Variants in TCF12 observed in about 807,000 individuals in gnomAD.
The protein encoded by TCF12 is DNA-binding protein HTF4.
A neutral mutation model predicts 86.0 loss-of-function variants in TCF12; 45 were observed. The observed-to-expected ratio is 0.52, with a 90% confidence interval of 0.41 to 0.67. The LOEUF is 0.67. Among genes scored for constraint, TCF12 ranks in the 30% least tolerant of loss-of-function variants. The pLI is 0.00. For missense variants in TCF12, 881 were observed against 859.9 expected, an observed-to-expected ratio of 1.02 and a Z score of -0.31; for synonymous variants, 330 against 299.6, an observed-to-expected ratio of 1.10 and a Z score of -1.05.
At chr15:57,101,671 A>G (rs1222493850) in intron 5 of TCF12, among the ~76,000 whole-genome samples, 2 of 152,208 alleles carry the variant, frequency 1.3e-5, no homozygotes, top group Non-Finnish European at 1.5e-5. Context: ...TTATCTTGAA[A>G]AATGTTTCTT....
intron 3 of TCF12, among the ~76,000 whole-genome samples, chr15:57,044,319 T>G (rs1183736813): frequency 6.6e-6 from 1 of 152,136 alleles, no homozygotes; most frequent in East Asian, 1.9e-4. Context: ...CCCAGCACTT[T>G]GGGAGGCCGA....
At chr15:57,136,553 A>G (rs1269814217) in intron 5 of TCF12, among the ~76,000 whole-genome samples, 1 of 152,204 alleles carries the variant, frequency 6.6e-6, no homozygotes, top group African/African-American at 2.4e-5. Context: ...TTTCTAGTGT[A>G]TTATCTCACA....
chr15:57,178,585 G>A (rs1386663890), intron 6 of TCF12, among the ~76,000 whole-genome samples: 1 of 152,180 alleles, frequency 6.6e-6, no homozygotes, highest in African/African-American at 2.4e-5. Context: ...TTCATCTCCT[G>A]TTCTTCTAAT....
At chr15:57,112,822 G>C (rs1299973782) in intron 5 of TCF12, among the ~76,000 whole-genome samples, 2 of 152,038 alleles carry the variant, frequency 1.3e-5, no homozygotes, top group East Asian at 1.9e-4. Context: ...ATAAGCTTAT[G>C]ATGAGTATAA....
chr15:57,284,505 C>T (rs568031630), intron 20 of TCF12, among the ~76,000 whole-genome samples: 6 of 152,258 alleles, frequency 3.9e-5, no homozygotes, highest in Admixed American at 2.0e-4. Context: ...CCGCTGAGCC[C>T]GGCCAAAAAA....
chr15:57,222,315 A>T (rs1236127876), intron 8 of TCF12, among the ~76,000 whole-genome samples: 1 of 151,608 alleles, frequency 6.6e-6, no homozygotes, highest in Non-Finnish European at 1.5e-5. Flanking sequence ...CTAGGAAGAG[A>T]CCAAAGAACT....
chr15:56,999,504 G>T (rs1454815898), intron 3 of TCF12, among the ~76,000 whole-genome samples: 1 of 152,110 alleles, frequency 6.6e-6, no homozygotes, highest in Non-Finnish European at 1.5e-5. Flanking sequence ...AGGTGAAATA[G>T]ACTAATTCCT....
chr15:57,225,499 C>T (rs2058834744), intron 8 of TCF12, among the ~76,000 whole-genome samples: 1 of 152,102 alleles, frequency 6.6e-6, no homozygotes, highest in Admixed American at 6.5e-5. Flanking sequence ...CCCGCCTCGG[C>T]CTCCCAAAGT....
chr15:56,924,954 T>G (rs2059938698), intron 3 of TCF12, among the ~76,000 whole-genome samples: 2 of 152,132 alleles, frequency 1.3e-5, no homozygotes, highest in South Asian at 4.1e-4. Context: ...ATCCCAGCAC[T>G]TTGGGAGGCC....
At chr15:57,017,915 G>A (rs988625344) in intron 3 of TCF12, among the ~76,000 whole-genome samples, 9 of 152,124 alleles carry the variant, frequency 5.9e-5, no homozygotes, top group African/African-American at 1.7e-4. Context: ...ATCTGGGAAA[G>A]AAGGCAAGGG....
At chr15:57,228,762 G>A (rs2059000344) in intron 8 of TCF12, among the ~76,000 whole-genome samples, 1 of 121,456 alleles carries the variant, frequency 8.2e-6, no homozygotes, top group African/African-American at 2.5e-5. Flanking sequence ...ATATTAGTGT[G>A]TGAAATACAG....
At chr15:56,961,957 C>T (rs889102447) in intron 3 of TCF12, among the ~76,000 whole-genome samples, 2 of 151,412 alleles carry the variant, frequency 1.3e-5, no homozygotes, top group Non-Finnish European at 2.9e-5. Context: ...GGTGAAACCC[C>T]GTCTCTACTA....
At position 57,075,800 on chromosome 15, in the gene TCF12, TTCTTTCTC is replaced by T. The variant is rs1240634090; in HGVS notation, c.222+11981_222+11988del. Among the ~76,000 whole-genome samples, 21 of 20,478 alleles carry T rather than the reference TTCTTTCTC, an allele frequency of 1.0e-3. 1 individual carries two copies. Among genetic ancestry groups the T allele is most frequent in the Middle Eastern group, 0.045 (2 of 44 alleles). The allele number at this position is 20,478 out of a possible 152,430, so 13.4% of individuals were successfully genotyped here. The stretch of plus-strand genomic sequence containing the variant: ...TTTCTTTCTTTCTTTCTTTCTTTCT[TTCTTTCTC>T]TCTCTCTCTCTCTCTCTCTCTCTCT... On this transcript the variant is annotated intron_variant, in intron 4 of 20. Transcript: ENST00000333725.
chr15:57,186,898 C>T (rs2079111353), intron 6 of TCF12, among the ~76,000 whole-genome samples: 1 of 152,124 alleles, frequency 6.6e-6, no homozygotes, highest in Admixed American at 6.5e-5. Flanking sequence ...AAAAGAATCT[C>T]AGCTGAACAT....
intron 5 of TCF12, among the ~76,000 whole-genome samples, chr15:57,158,886 C>T (rs555081356): frequency 6.6e-6 from 1 of 152,328 alleles, no homozygotes; most frequent in Admixed American, 6.5e-5. Context: ...AGCATCTTCA[C>T]TGTAGCCAGC....
intron 5 of TCF12, among the ~76,000 whole-genome samples, chr15:57,146,486 G>C (rs1414088909): frequency 6.6e-6 from 1 of 152,066 alleles, no homozygotes; most frequent in African/African-American, 2.4e-5. Context: ...GAGTTATCAA[G>C]TTCTATTTAT....
chr15:57,072,038 G>A (rs1186961040), intron 4 of TCF12, among the ~76,000 whole-genome samples: 1 of 152,166 alleles, frequency 6.6e-6, no homozygotes, highest in African/African-American at 2.4e-5. Flanking sequence ...TACACAAAAT[G>A]TTTTATAAAT....
chr15:56,979,871 G>GT (rs1217176531), intron 3 of TCF12, among the ~76,000 whole-genome samples: 1 of 152,150 alleles, frequency 6.6e-6, no homozygotes, highest in Non-Finnish European at 1.5e-5. Context: ...ATTTGCAGAA[G>GT]TTTTATTGGA....
intron 5 of TCF12, among the ~76,000 whole-genome samples, chr15:57,157,189 T>A (rs2054168116): frequency 6.6e-6 from 1 of 152,198 alleles, no homozygotes; most frequent in South Asian, 2.1e-4. Flanking sequence ...ACCATTAAAT[T>A]ATTTTAAATC....
Sources: allele counts gnomAD v4.1 joint callset (sites outside exome capture counted in the v4.1 genomes callset), GRCh38; gene constraint gnomAD v4.1.1; transcripts MANE v1.5; gene names NCBI Gene and HGNC (gene_info 2026-07-23, HGNC 2026-07-21).